Variants in NRBF2 observed in about 807,000 individuals in gnomAD.
NRBF2 encodes the protein nuclear receptor binding factor 2.
Under a neutral mutation model 28.5 loss-of-function variants are expected in NRBF2, and 12 were observed. That is an observed-to-expected ratio of 0.42 (90% CI 0.27 to 0.68). The LOEUF is 0.68. Among genes scored for constraint, NRBF2 ranks in the 30% least tolerant of loss-of-function variants. NRBF2 has a pLI of 0.24. For missense variants in NRBF2, 274 were observed against 333.5 expected, an observed-to-expected ratio of 0.82 and a Z score of 1.39; for synonymous variants, 102 against 116.5, an observed-to-expected ratio of 0.88 and a Z score of 0.80.
chr10:63,148,052 T>A (rs1841591756), intron 2 of NRBF2, among the ~76,000 whole-genome samples: 1 of 152,212 alleles, frequency 6.6e-6, no homozygotes, highest in East Asian at 1.9e-4. Context: ...AACAATACCT[T>A]ATGTAACCCA....
intron 1 of NRBF2, among the ~76,000 whole-genome samples, chr10:63,143,368 G>A (rs928118792): frequency 3.3e-5 from 5 of 152,152 alleles, no homozygotes; most frequent in South Asian, 2.1e-4. Flanking sequence ...AGTTGCAAAC[G>A]TGATTCTGTG....
chr10:63,146,473 T>C (rs926299751), intron 2 of NRBF2, among the ~76,000 whole-genome samples, 180 bp downstream of exon 2: 2 of 152,254 alleles, frequency 1.3e-5, no homozygotes, highest in African/African-American at 4.8e-5. Context: ...ATCTTCTTTC[T>C]AAATCATGAA....
rs549780401 is a variant in NRBF2, at chr10:63,147,083, CA to C, written c.115+794del. Among the ~76,000 whole-genome samples the C allele has an allele frequency of 5.0e-3, 754 of 152,172 alleles. 7 individuals are homozygous for C. The highest frequency in any genetic ancestry group is 0.014 in the Middle Eastern group (4 of 294). Reference sequence around the variant, plus strand: ...AAGGATGTTTTACTCATGCCTCATCCAAAATGAGTGCAAGTCACCTTTCTTA... The same window carrying C: ...AAGGATGTTTTACTCATGCCTCATCCAAATGAGTGCAAGTCACCTTTCTTA... On this transcript the variant is annotated intron_variant, in intron 2 of 3. Transcript: ENST00000277746.
chr10:63,135,024 C>T (rs1019991070), intron 1 of NRBF2, among the ~76,000 whole-genome samples: 1 of 152,126 alleles, frequency 6.6e-6, no homozygotes, highest in African/African-American at 2.4e-5. Flanking sequence ...CCGGTCTCTA[C>T]AAAAAATACA....
At chr10:63,140,989 G>A (rs1174198532) in intron 1 of NRBF2, among the ~76,000 whole-genome samples, 1 of 152,104 alleles carries the variant, frequency 6.6e-6, no homozygotes, top group African/African-American at 2.4e-5. Context: ...GTGAGCCTCC[G>A]CTCCTGGCCT....
chr10:63,148,179 C>T (rs1281712921), intron 2 of NRBF2, among the ~76,000 whole-genome samples: 1 of 152,148 alleles, frequency 6.6e-6, no homozygotes, highest in Non-Finnish European at 1.5e-5. Flanking sequence ...TAGTTGTAAC[C>T]TAATCCTTGT....
chr10:63,139,828 A>G (rs1040744664), intron 1 of NRBF2, among the ~76,000 whole-genome samples: 2 of 152,188 alleles, frequency 1.3e-5, no homozygotes, highest in Admixed American at 1.3e-4. Context: ...TTAGGTATCC[A>G]GACGACAAGG....
rs1433245133 is a variant in NRBF2 at position 63,153,828 on chromosome 10, C to T, written c.474C>T (p.Ser158=). 6.2e-7 allele frequency: 1 copy of T among 1,612,660 alleles called. No homozygotes were observed. Among genetic ancestry groups the T allele is most frequent in the Non-Finnish European group, 8.5e-7 (1 of 1,179,840 alleles). The part of the protein sequence containing the change: ...KSEPAEPCIG[S]KAPKDDKTII... ...AGCCAGCAGAGCCATGTATTGGAAG[C>T]AAAGCCCCAAAAGATGATAAAACAA... The change falls in exon 4 of 4, where the codon AGC becomes AGT. Residue 158 remains serine (S), a synonymous_variant. Coordinates refer to ENST00000277746, the MANE Select transcript of NRBF2 (RefSeq NM_030759.5).
At chr10:63,135,949 C>T (rs1230998594) in intron 1 of NRBF2, among the ~76,000 whole-genome samples, 1 of 152,094 alleles carries the variant, frequency 6.6e-6, no homozygotes, top group Non-Finnish European at 1.5e-5. Context: ...CGGCGGACAC[C>T]TTGAATTCTT....
chr10:63,145,653 T>C, intron 1 of NRBF2, among the ~76,000 whole-genome samples: 1 of 152,370 alleles, frequency 6.6e-6, no homozygotes, highest in East Asian at 1.9e-4. Context: ...AAACAATCTT[T>C]GTAATATTAG....
intron 1 of NRBF2, among the ~76,000 whole-genome samples, chr10:63,138,603 G>A (rs1364526663): frequency 6.6e-6 from 1 of 151,808 alleles, no homozygotes; most frequent in African/African-American, 2.4e-5. Flanking sequence ...AATTAGCCAG[G>A]TGCAGTGGCG....
chr10:63,136,873 G>T (rs1841387070), intron 1 of NRBF2, among the ~76,000 whole-genome samples: 3 of 152,150 alleles, frequency 2.0e-5, no homozygotes, highest in Admixed American at 6.6e-5. Context: ...AGACTAGTTT[G>T]AAATATTCAT....
At chr10:63,138,743 C>CAA (rs894650031) in intron 1 of NRBF2, among the ~76,000 whole-genome samples, 4 of 117,664 alleles carry the variant, frequency 3.4e-5, no homozygotes, top group Admixed American at 8.2e-5. Context: ...GACTCTGTCT[C>CAA]AAAAAAAAAA....
At chr10:63,136,824 C>T (rs1338334538) in intron 1 of NRBF2, among the ~76,000 whole-genome samples, 1 of 152,146 alleles carries the variant, frequency 6.6e-6, no homozygotes, top group Non-Finnish European at 1.5e-5. Context: ...CAGTAAGGGC[C>T]TTAGAAATTC....
Position 63,154,425 on chromosome 10 carries a change from A to G in NRBF2, c.*207A>G, listed in dbSNP as rs772038612. ...TCTCATTCACTCACTTCAGCTAATGATTCCGACTTGGCAGACGCTAAACTC... is the reference window on the plus strand; with the variant it reads ...TCTCATTCACTCACTTCAGCTAATGGTTCCGACTTGGCAGACGCTAAACTC... On this transcript the variant is annotated 3_prime_UTR_variant, in exon 4 of 4. Coordinates refer to ENST00000277746, the MANE Select transcript of NRBF2 (RefSeq NM_030759.5). 9 of 450,060 alleles carry G rather than the reference A, an allele frequency of 2.0e-5. No homozygotes were observed. Among genetic ancestry groups the G allele is most frequent in the Middle Eastern group, 4.7e-4 (1 of 2,128 alleles). 27.9% of individuals were successfully genotyped at this position (450,060 alleles called of 1,614,324 possible).
intron 2 of NRBF2, among the ~76,000 whole-genome samples, chr10:63,149,598 T>A (rs1011024446): frequency 6.6e-6 from 1 of 152,244 alleles, no homozygotes; most frequent in Admixed American, 6.5e-5. Flanking sequence ...AGATTTAAAA[T>A]AATTTTTTTC....
chr10:63,154,204 T>A lies in NRBF2; in HGVS notation c.850T>A (p.Phe284Ile), dbSNP rs1369466505. ...MELSEDILKG[F>I]MNN is the part of the protein sequence containing the mutation. ...GCTCTCTGAGGATATTCTGAAAGGA[T>A]TTATGAATAATTAAAATGGAAGGCC... Residue 284 changes from phenylalanine (F) to isoleucine (I), a missense_variant, in exon 4 of 4, where the codon TTT becomes ATT. Coordinates refer to ENST00000277746, the MANE Select transcript of NRBF2 (RefSeq NM_030759.5). 23 of 1,571,054 alleles carry A rather than the reference T, an allele frequency of 1.5e-5. No homozygotes were observed. Among genetic ancestry groups the A allele is most frequent in the Non-Finnish European group, 1.9e-5 (22 of 1,150,272 alleles).
At chr10:63,142,293 G>GTTTTTTTTT (rs1261835924) in intron 1 of NRBF2, among the ~76,000 whole-genome samples, 3 of 135,616 alleles carry the variant, frequency 2.2e-5, no homozygotes, top group Admixed American at 7.5e-5. Flanking sequence ...CAGAACCTTT[G>GTTTTTTTTT]TTTTTTTTGT....
intron 1 of NRBF2, among the ~76,000 whole-genome samples, chr10:63,141,640 T>A (rs117380372): frequency 3.2e-3 from 486 of 152,312 alleles, no homozygotes; most frequent in Middle Eastern, 0.014. Context: ...AACTCTTTTG[T>A]TTTTGGTGCC....
Sources: allele counts gnomAD v4.1 joint callset (sites outside exome capture counted in the v4.1 genomes callset), GRCh38; gene constraint gnomAD v4.1.1; transcripts MANE v1.5; gene names NCBI Gene and HGNC (gene_info 2026-07-23, HGNC 2026-07-21).